The following SLC2A8 variants were observed in gnomAD, a reference collection of about 807,000 sequenced individuals.
SLC2A8 encodes solute carrier family 2, facilitated glucose transporter member 8.
In SLC2A8, 53 loss-of-function variants were observed where a neutral mutation model predicts 49.2. That is an observed-to-expected ratio of 1.08 (90% confidence interval 0.86 to 1.35). The LOEUF is 1.35. Among genes scored for constraint, SLC2A8 ranks in the 40% most tolerant of loss-of-function variants. The probability of loss-of-function intolerance (pLI) is 0.00; values close to 1 mark genes in which losing one functional copy is unlikely to be tolerated. For missense variants in SLC2A8, 688 were observed against 671.7 expected, an observed-to-expected ratio of 1.02 and a Z score of -0.27; for synonymous variants, 299 against 297.0, an observed-to-expected ratio of 1.01 and a Z score of -0.07.
At position 127,397,943 on chromosome 9, in the gene SLC2A8, G is replaced by A; in HGVS notation, c.258G>A (p.Leu86=). The A allele has an allele frequency of 6.5e-7, 1 of 1,533,502 alleles. No individual in the cohort carries two copies. The highest frequency in any genetic ancestry group is 8.7e-7 in the Non-Finnish European group (1 of 1,146,164). 95.0% of individuals were successfully genotyped at this position (1,533,502 alleles called of 1,614,324 possible). A position where few individuals can be genotyped will look rare whatever the true frequency, so the allele number is the denominator to read the frequency against. Residue 86 remains leucine, a synonymous_variant, in exon 3 of 10, where the codon CTG becomes CTA. Coordinates refer to ENST00000373371, the MANE Select transcript of SLC2A8 (RefSeq NM_014580.5). ...TGGGTGCCGCGGCGGGGGGAGTGCTGGGCGGCTGGCTGGTGGACCGCGCCG... is the reference window on the plus strand; with the variant it reads ...TGGGTGCCGCGGCGGGGGGAGTGCTAGGCGGCTGGCTGGTGGACCGCGCCG... ...VTLGAAAGGV[L]GGWLVDRAGR...
intron 9 of SLC2A8, chr9:127,406,037 T>C (rs758689474): frequency 3.3e-5 from 17 of 519,362 alleles, no homozygotes; most frequent in African/African-American, 3.1e-4. Context: ...ATCCTGTTGC[T>C]GCCTTCTCAC....
At chr9:127,402,493 C>G in intron 4 of SLC2A8, 64 bp from the exon 5 acceptor site, 2 of 1,437,390 alleles carry the variant, frequency 1.4e-6, no homozygotes, top group Non-Finnish European at 1.8e-6. Context: ...GTCTTTGAGG[C>G]TGGCAAGGCC....
At chr9:127,398,981 G>A (rs760618166) in intron 3 of SLC2A8, among the ~76,000 whole-genome samples, 3 of 152,234 alleles carry the variant, frequency 2.0e-5, no homozygotes, top group Non-Finnish European at 4.4e-5. Context: ...ACCAGAAGAG[G>A]GTGGGGAAGA....
chr9:127,403,613 GC>G, intron 5 of SLC2A8, 46 bp from the exon 6 acceptor site: 1 of 1,609,898 alleles, frequency 6.2e-7, no homozygotes, highest in South Asian at 1.1e-5. Context: ...GGGGCCGCTT[GC>G]GGGAGGGGAG....
At chr9:127,404,761 G>A in intron 7 of SLC2A8, 57 bp from the exon 8 acceptor site, 1 of 1,555,892 alleles carries the variant, frequency 6.4e-7, no homozygotes, top group Non-Finnish European at 8.7e-7. Flanking sequence ...AGGCCATGCT[G>A]CTGCGCCCTG....
intron 5 of SLC2A8, among the ~76,000 whole-genome samples, chr9:127,403,121 A>G (rs1833354888): frequency 6.6e-6 from 1 of 152,296 alleles, no homozygotes; most frequent in Admixed American, 6.5e-5. Flanking sequence ...TCACCCAGGC[A>G]TGGGTTTGAA....
chr9:127,397,448 G>A lies in SLC2A8; in HGVS notation c.129G>A (p.Ala43=). ...AALGPLSFGF[A]LGYSSPAIPS... ...TGGGCCCACTCAGCTTCGGCTTCGCGCTCGGCTACAGCTCCCCGGCCATCC... is the reference window on the plus strand; with the variant it reads ...TGGGCCCACTCAGCTTCGGCTTCGCACTCGGCTACAGCTCCCCGGCCATCC... Residue 43 remains alanine, a synonymous_variant, in exon 2 of 10, where the codon GCG becomes GCA. Coordinates refer to ENST00000373371, the MANE Select transcript of SLC2A8 (RefSeq NM_014580.5). The A allele has an allele frequency of 6.7e-7, 1 of 1,486,562 alleles. No individual in the cohort carries two copies. The allele number at this position is 1,486,562 out of a possible 1,614,324, so 92.1% of individuals were successfully genotyped here.
Position 127,397,493 on chromosome 9 carries a change from G to T in SLC2A8, c.174G>T (p.Ala58=). The T allele has an allele frequency of 6.9e-7, 1 of 1,452,354 alleles. No individual in the cohort carries two copies. The highest frequency in any genetic ancestry group is 9.0e-7 in the Non-Finnish European group (1 of 1,112,736). The allele number at this position is 1,452,354 out of a possible 1,614,324, so 90.0% of individuals were successfully genotyped here. A position where few individuals can be genotyped will look rare whatever the true frequency, so the allele number is the denominator to read the frequency against. The part of the protein sequence containing the change: ...SPAIPSLQRA[A]PPAPRLDDAA... ...CCATCCCTAGCCTGCAGCGCGCCGC[G>T]CCCCCGGCCCCGCGCCTGGACGACG... The change falls in exon 2 of 10, where the codon GCG becomes GCT. Residue 58 remains alanine (A), a synonymous_variant. Transcript: ENST00000373371.
chr9:127,400,958 G>T (rs1378324784), intron 4 of SLC2A8, among the ~76,000 whole-genome samples: 1 of 152,176 alleles, frequency 6.6e-6, no homozygotes, highest in Non-Finnish European at 1.5e-5. Context: ...AGCCAGGCGT[G>T]GTGGTGGGCA....
intron 9 of SLC2A8, 96 bp from the exon 10 acceptor site, chr9:127,407,016 G>A (rs539642560): frequency 1.4e-6 from 2 of 1,435,406 alleles, no homozygotes; most frequent in African/African-American, 1.4e-5. Flanking sequence ...CTGGGGTCAG[G>A]GGACTGGACC....
Position 127,405,502 on chromosome 9 carries a change from C to T in SLC2A8, c.1233C>T (p.Gly411=), listed in dbSNP as rs1466848244. ...TGCATGTCAAGGGCGTGGCGACAGG[C>T]ATCTGCGTCCTCACCAACTGGCTCA... ...FPLHVKGVAT[G]ICVLTNWLMA... The change falls in exon 9 of 10, where the codon GGC becomes GGT. Residue 411 remains glycine, a synonymous_variant. Coordinates refer to ENST00000373371, the MANE Select transcript of SLC2A8 (RefSeq NM_014580.5). 3.7e-6 allele frequency: 6 copies of T among 1,613,204 alleles called. No homozygotes were observed. Among genetic ancestry groups the T allele is most frequent in the Non-Finnish European group, 5.1e-6 (6 of 1,180,004 alleles).
rs1344348922 is a variant in SLC2A8 at position 127,397,296 on chromosome 9, G to T, written c.56+10G>T. ...GGCCTCCTGGCGGCAGGTGAGCTCC[G>T]GGGAACCCGGGCCCGGATGCGGCCT... On this transcript the variant is annotated intron_variant, in intron 1 of 9. Coordinates refer to ENST00000373371, the MANE Select transcript of SLC2A8 (RefSeq NM_014580.5). 3 of 1,385,172 alleles carry T rather than the reference G, an allele frequency of 2.2e-6. No homozygotes were observed. Among genetic ancestry groups the T allele is most frequent in the African/African-American group, 1.5e-5 (1 of 65,518 alleles). The allele number at this position is 1,385,172 out of a possible 1,614,324, so 85.8% of individuals were successfully genotyped here.
chr9:127,398,286 A>C, intron 3 of SLC2A8, 175 bp downstream of exon 3: 1 of 797,606 alleles, frequency 1.3e-6, no homozygotes, highest in Non-Finnish European at 2.3e-6. Context: ...GAAGGATCCT[A>C]CTGTTCTCTC....
chr9:127,403,868 C>T, intron 6 of SLC2A8, 65 bp downstream of exon 6: 1 of 1,602,076 alleles, frequency 6.2e-7, no homozygotes, highest in African/African-American at 1.3e-5. Flanking sequence ...CTCCCCAAGC[C>T]CAGGGCCCAG....
chr9:127,405,052 G>A, intron 8 of SLC2A8, 61 bp downstream of exon 8: 1 of 1,534,468 alleles, frequency 6.5e-7, no homozygotes. Context: ...GCCCTGCTGT[G>A]GCGGCTCCCG....
intron 7 of SLC2A8, 23 bp downstream of exon 7, chr9:127,404,090 C>A (rs746272246): frequency 1.3e-6 from 2 of 1,509,880 alleles, no homozygotes; most frequent in East Asian, 2.5e-5. Context: ...CCCTGTGCAG[C>A]CTCCCCGCCA....
At chr9:127,404,652 G>A (rs1048484046) in intron 7 of SLC2A8, 166 bp from the exon 8 acceptor site, 11 of 721,148 alleles carry the variant, frequency 1.5e-5, no homozygotes, top group East Asian at 5.6e-5. Context: ...GGTCCAAGGC[G>A]GGGTGGCTGC....
At position 127,397,931 on chromosome 9, in the gene SLC2A8, G is replaced by C; in HGVS notation, c.246G>C (p.Ala82=). The change falls in exon 3 of 10, where the codon GCG becomes GCC. Residue 82 remains alanine, a synonymous_variant. Transcript: ENST00000373371. The part of the protein sequence containing the change: ...FGAVVTLGAA[A]GGVLGGWLVD... ...CTGTCGTGACCCTGGGTGCCGCGGC[G>C]GGGGGAGTGCTGGGCGGCTGGCTGG... The C allele has an allele frequency of 6.5e-7, 1 of 1,530,244 alleles. No individual in the cohort carries two copies. The highest frequency in any genetic ancestry group is 8.7e-7 in the Non-Finnish European group (1 of 1,144,842). The allele number at this position is 1,530,244 out of a possible 1,614,324, so 94.8% of individuals were successfully genotyped here. A position where few individuals can be genotyped will look rare whatever the true frequency, so the allele number is the denominator to read the frequency against.
At chr9:127,403,877 A>G in intron 6 of SLC2A8, 74 bp downstream of exon 6, 1 of 1,600,712 alleles carries the variant, frequency 6.2e-7, no homozygotes, top group Non-Finnish European at 8.5e-7. Context: ...CCCAGGGCCC[A>G]GCCATCCAGC....
Sources: allele counts gnomAD v4.1 joint callset (sites outside exome capture counted in the v4.1 genomes callset), GRCh38; gene constraint gnomAD v4.1.1; transcripts MANE v1.5; gene names NCBI Gene and HGNC (gene_info 2026-07-23, HGNC 2026-07-21).